Variants in TCF25 observed in about 807,000 individuals in gnomAD.
TCF25 encodes the protein ribosome quality control complex subunit TCF25.
Under a neutral mutation model 83.1 loss-of-function variants are expected in TCF25, and 41 were observed. The ratio of observed to expected loss-of-function variants is 0.49; its 90% CI spans 0.38 to 0.64. TCF25 has a LOEUF of 0.64. Among genes scored for constraint, TCF25 ranks in the 30% least tolerant of loss-of-function variants. TCF25 has a pLI of 0.00. For synonymous variants in TCF25, 458 were observed against 365.0 expected (o/e 1.25, Z -2.90); for missense variants, 979 against 914.5 (o/e 1.07, Z -0.91).
Position 89,898,621 on chromosome 16 carries a change from G to C in TCF25, c.1087G>C (p.Ala363Pro), listed in dbSNP as rs2044071735. 2 of 1,612,904 alleles carry C rather than the reference G, an allele frequency of 1.2e-6. No homozygotes were observed. The highest frequency in any genetic ancestry group is 1.7e-6 in the Non-Finnish European group (2 of 1,180,038). Reference protein sequence around the residue: ...FLEKRGCPRTALEYCKLILSL... With the variant: ...FLEKRGCPRTPLEYCKLILSL... The stretch of plus-strand genomic sequence containing the variant: ...GGAGAAGCGAGGCTGCCCGCGCACG[G>C]CGCTGGAGTACTGCAAGCTCATCCT... Residue 363 changes from alanine to proline, a missense_variant, in exon 10 of 18, where the codon GCG (alanine) becomes CCG (proline). Ala to Pro is a conservative substitution (Grantham distance 27). Transcript: ENST00000263346.
At chr16:89,885,334 G>A (rs2042922367) in intron 3 of TCF25, among the ~76,000 whole-genome samples, 1 of 152,128 alleles carries the variant, frequency 6.6e-6, no homozygotes, top group African/African-American at 2.4e-5. Context: ...TGATCTGATG[G>A]GGACATCCCT....
chr16:89,901,089 ACC>A, intron 12 of TCF25: 2 of 287,038 alleles, frequency 7.0e-6, no homozygotes, highest in Admixed American at 4.3e-5. Context: ...ATTGGATTGT[ACC>A]AGTGCTGGGG....
intron 2 of TCF25, chr16:89,883,808 CCG>C (rs2042780672): frequency 3.3e-6 from 1 of 306,858 alleles, no homozygotes; most frequent in African/African-American, 3.1e-5. Context: ...TCCTAGCCGA[CCG>C]CGCACGTGTG....
At chr16:89,910,714 C>A in intron 17 of TCF25, 51 bp downstream of exon 17, 1 of 1,580,648 alleles carries the variant, frequency 6.3e-7, no homozygotes, top group Non-Finnish European at 8.7e-7. Context: ...GCGGGCATAT[C>A]CATTCCAGTG....
intron 1 of TCF25, chr16:89,878,433 C>CG (rs1567692443): frequency 1.2e-6 from 1 of 860,358 alleles, no homozygotes; most frequent in African/African-American, 2.4e-5. Flanking sequence ...TAAAAATCAC[C>CG]ATTTTTTTTT....
rs138949853 is a variant in TCF25 at position 89,906,270 on chromosome 16, G to A, written c.1705G>A (p.Ala569Thr). 4.3e-5 allele frequency: 69 copies of A among 1,612,992 alleles called. No homozygotes were observed. Among genetic ancestry groups the A allele is most frequent in the Non-Finnish European group, 5.3e-5 (62 of 1,179,958 alleles). The change falls in exon 15 of 18, where the codon GCT (alanine) becomes ACT (threonine). Residue 569 changes from alanine to threonine, a missense_variant. By Grantham distance (58) the Ala-to-Thr change is moderately conservative. Coordinates refer to ENST00000263346, the MANE Select transcript of TCF25 (RefSeq NM_014972.3). ...VILSEIKEAV[A>T]ALPPDVTTQS... ...CCTCTCTGAGATCAAGGAAGCCGTC[G>A]CTGCCCTGCCCCCGGTAAGGGAGAA...
At position 89,908,805 on chromosome 16, in the gene TCF25, CCACCTCG is replaced by C. The variant is rs797003211; in HGVS notation, c.1799+1486_1799+1492del. ...CCTCCCAGTTTCCACCTCCCAGCTC[CCACCTCG>C]CAGCTCCCAGCTCCCAGCTCCCACC... On this transcript the variant is annotated intron_variant, in intron 16 of 17. Transcript: ENST00000263346. Among the ~76,000 whole-genome samples the C allele has an allele frequency of 8.3e-4, 111 of 133,978 alleles. 2 individuals are homozygous for C. The highest frequency in any genetic ancestry group is 3.6e-3 in the African/African-American group (106 of 29,486). 87.9% of individuals were successfully genotyped at this position (133,978 alleles called of 152,430 possible).
intron 5 of TCF25, among the ~76,000 whole-genome samples, chr16:89,891,266 A>T (rs1400036695): frequency 6.6e-6 from 1 of 152,160 alleles, no homozygotes; most frequent in Non-Finnish European, 1.5e-5. Context: ...GATTCTGTAC[A>T]TCTGGCCCAG....
At chr16:89,910,562 G>A (rs1388229040) in intron 16 of TCF25, 29 bp from the exon 17 acceptor site, 7 of 1,612,196 alleles carry the variant, frequency 4.3e-6, no homozygotes, top group South Asian at 1.1e-5. Flanking sequence ...GTTCAGTGTC[G>A]TTTCTGACTT....
chr16:89,883,436 A>G lies in TCF25; in HGVS notation c.278A>G (p.Asn93Ser). Residue 93 changes from asparagine (N) to serine (S), a missense_variant, in exon 2 of 18, where the codon AAC (asparagine) becomes AGC (serine). Asn to Ser is a conservative substitution (Grantham distance 46). Transcript: ENST00000263346. The part of the protein sequence containing the change: ...CALTDAVAPG[N>S]KGRGQRGNTE... The stretch of plus-strand genomic sequence containing the variant: ...CTCACAGACGCTGTGGCACCAGGGA[A>G]CAAAGGAAGGGGTCAGCGTGGAAAC... The G allele has an allele frequency of 1.2e-6, 2 of 1,614,040 alleles. No individual in the cohort carries two copies. The highest frequency in any genetic ancestry group is 2.7e-5 in the African/African-American group (2 of 74,988).
chr16:89,878,383 C>A, intron 1 of TCF25: 1 of 1,176,760 alleles, frequency 8.5e-7, no homozygotes, highest in South Asian at 1.6e-5. Context: ...GTCAGGAGTT[C>A]GAGACCAGCC....
chr16:89,908,873 C>T (rs906600860), intron 16 of TCF25: 45 of 1,229,346 alleles, frequency 3.7e-5, no homozygotes, highest in Non-Finnish European at 4.5e-5. Flanking sequence ...GCTCTGAGGT[C>T]AGGGCTTTGG....
chr16:89,896,380 TAAAAA>T (rs543132789), intron 9 of TCF25, among the ~76,000 whole-genome samples: 1 of 151,766 alleles, frequency 6.6e-6, no homozygotes, highest in African/African-American at 2.4e-5. Context: ...CCCCATCTCT[TAAAAA>T]AATAAAAATA....
At chr16:89,905,772 A>G (rs1334509386) in intron 14 of TCF25, among the ~76,000 whole-genome samples, 2 of 152,170 alleles carry the variant, frequency 1.3e-5, no homozygotes, top group Non-Finnish European at 2.9e-5. Flanking sequence ...GGACATTCTC[A>G]TGGACAGGAG....
At chr16:89,883,077 G>T (rs1187235726) in intron 1 of TCF25, among the ~76,000 whole-genome samples, 1 of 152,168 alleles carries the variant, frequency 6.6e-6, no homozygotes, top group African/African-American at 2.4e-5. Flanking sequence ...TACAATATTT[G>T]AGGAGTCTTC....
chr16:89,898,723 G>A (rs1322917568), intron 10 of TCF25, 44 bp from the exon 11 acceptor site: 3 of 1,612,618 alleles, frequency 1.9e-6, no homozygotes, highest in Non-Finnish European at 2.5e-6. Context: ...GCCTGACGAT[G>A]CCCCTGTTCC....
intron 1 of TCF25, among the ~76,000 whole-genome samples, chr16:89,882,714 G>A (rs769957387): frequency 2.6e-5 from 4 of 152,202 alleles, no homozygotes; most frequent in Non-Finnish European, 5.9e-5. Flanking sequence ...AGCCTCCCAA[G>A]TAGCTGGGAT....
rs770261928 is a variant in TCF25 at position 89,904,144 on chromosome 16, A to G, written c.1408A>G (p.Ser470Gly). 22 of 1,607,228 alleles carry G rather than the reference A, an allele frequency of 1.4e-5. No individual in the cohort carries two copies. Among genetic ancestry groups the G allele is most frequent in the Non-Finnish European group, 1.6e-5 (19 of 1,177,118 alleles). Reference protein sequence around the residue: ...GVLLPLLESCSVRPDASVSSH... With the variant: ...GVLLPLLESCGVRPDASVSSH... ...CCTCCTGCCCCTGCTCGAGTCTTGC[A>G]GTGTGCGGCCCGACGCCAGCGTTTC... Residue 470 changes from serine (S) to glycine (G), a missense_variant, in exon 13 of 18, where the codon AGT becomes GGT. Physicochemically the swap from Ser to Gly is moderately conservative, Grantham distance 56. Transcript: ENST00000263346.
intron 1 of TCF25, among the ~76,000 whole-genome samples, chr16:89,880,211 C>T (rs530192714): frequency 2.0e-5 from 3 of 152,246 alleles, no homozygotes; most frequent in East Asian, 1.9e-4. Context: ...TGGCATAGAG[C>T]TTTTTATGAA....
Sources: gnomAD v4.1 joint callset for allele counts (sites outside exome capture counted in the v4.1 genomes callset) on GRCh38, gnomAD v4.1.1 for gene constraint, MANE v1.5 for transcripts, NCBI Gene and HGNC (gene_info 2026-07-23, HGNC 2026-07-21) for gene names.